MAPDA: variants seen among roughly 807,000 people sequenced by gnomAD.
MAPDA encodes the protein N6,N6-dimethyl-AMP deaminase.
the MAPDA span, among the ~76,000 whole-genome samples, chr15:43,332,958 GAAC>G: frequency 1.3e-5 from 2 of 152,142 alleles, no homozygotes; most frequent in African/African-American, 4.8e-5. Context: ...TTTAGGCAAG[GAAC>G]AACAATTTTT....
chr15:43,337,275 CAAAAAAAAAA>C, the MAPDA span, among the ~76,000 whole-genome samples: 4 of 61,940 alleles, frequency 6.5e-5, no homozygotes, highest in Admixed American at 1.7e-4. Context: ...GACTCCGTCT[CAAAAAAAAAA>C]AAAAAAAAAA....
chr15:43,347,886 C>T, the MAPDA span, among the ~76,000 whole-genome samples: 1 of 152,092 alleles, frequency 6.6e-6, no homozygotes, highest in East Asian at 1.9e-4. Context: ...AATCTAGTGG[C>T]AGGACTTAAA....
At chr15:43,345,861 A>G in the MAPDA span, 1 of 1,614,188 alleles carries the variant, frequency 6.2e-7, no homozygotes, top group Non-Finnish European at 8.5e-7. Flanking sequence ...AAGGTATTTG[A>G]TAGCAGTTGA....
the MAPDA span, chr15:43,352,840 C>T: frequency 1.3e-5 from 2 of 152,158 alleles, no homozygotes; most frequent in African/African-American, 4.8e-5. Flanking sequence ...GTTTTGCCCT[C>T]TTTATGATTG....
At chr15:43,347,948 G>A in the MAPDA span, among the ~76,000 whole-genome samples, 1 of 152,132 alleles carries the variant, frequency 6.6e-6, no homozygotes, top group African/African-American at 2.4e-5. Flanking sequence ...TTCATCCACA[G>A]GACATCCTAT....
At chr15:43,335,950 T>C in the MAPDA span, 15 of 1,200,074 alleles carry the variant, frequency 1.2e-5, no homozygotes, top group Non-Finnish European at 1.6e-5. Flanking sequence ...GTGTGGAGCA[T>C]ATATCTTAAC....
At chr15:43,335,063 A>G in the MAPDA span, 1 of 1,576,792 alleles carries the variant, frequency 6.3e-7, no homozygotes, top group Non-Finnish European at 8.7e-7. Context: ...CATATTGCTC[A>G]TACTAAGAAT....
At chr15:43,346,336 A>G in the MAPDA span, among the ~76,000 whole-genome samples, 1 of 152,214 alleles carries the variant, frequency 6.6e-6, no homozygotes, top group African/African-American at 2.4e-5. Context: ...TGTCTCATAG[A>G]TAGTTGAGAA....
chr15:43,347,513 C>T, the MAPDA span, among the ~76,000 whole-genome samples: 4 of 152,166 alleles, frequency 2.6e-5, no homozygotes, highest in Non-Finnish European at 5.9e-5. Context: ...TTTCAAAGCC[C>T]AGCAAAGAGG....
At chr15:43,340,531 T>G in the MAPDA span, among the ~76,000 whole-genome samples, 1 of 152,234 alleles carries the variant, frequency 6.6e-6, no homozygotes, top group South Asian at 2.1e-4. Context: ...TGATGTTCAT[T>G]TTGTTTGTTT....
chr15:43,352,923 GAA>G, the MAPDA span: 1 of 151,260 alleles, frequency 6.6e-6, no homozygotes, highest in African/African-American at 2.4e-5. Flanking sequence ...TGAGGGGTGA[GAA>G]AGACAGAAAT....
the MAPDA span, chr15:43,351,785 C>G: frequency 1.4e-5 from 21 of 1,551,136 alleles, no homozygotes; most frequent in Non-Finnish European, 1.6e-5. Flanking sequence ...ACACACCTTT[C>G]TCAAGAGTAC....
chr15:43,340,016 G>A, the MAPDA span, among the ~76,000 whole-genome samples: 1 of 152,196 alleles, frequency 6.6e-6, no homozygotes, highest in African/African-American at 2.4e-5. Context: ...AGAAGCAAAG[G>A]GTGTAGCTGA....
chr15:43,338,126 G>C, the MAPDA span, among the ~76,000 whole-genome samples: 92 of 152,304 alleles, frequency 6.0e-4, no homozygotes, highest in South Asian at 8.3e-4. Flanking sequence ...TGGCATGCTT[G>C]TTGCTACATT....
At chr15:43,345,443 C>T in the MAPDA span, among the ~76,000 whole-genome samples, 1 of 150,626 alleles carries the variant, frequency 6.6e-6, no homozygotes, top group African/African-American at 2.4e-5. Flanking sequence ...GTAGGACAAA[C>T]AACTTGGTTT....
At chr15:43,345,981 G>A in the MAPDA span, 46 of 1,613,798 alleles carry the variant, frequency 2.9e-5, no homozygotes, top group Non-Finnish European at 3.5e-5. Context: ...AGACCCTACT[G>A]TAAGTTATTT....
At chr15:43,340,272 A>G in the MAPDA span, 1 of 1,614,064 alleles carries the variant, frequency 6.2e-7, no homozygotes, top group South Asian at 1.1e-5. Flanking sequence ...CAGGTCACAA[A>G]AGATGTCATA....
At chr15:43,341,604 T>A in the MAPDA span, among the ~76,000 whole-genome samples, 1 of 151,732 alleles carries the variant, frequency 6.6e-6, no homozygotes, top group Non-Finnish European at 1.5e-5. Flanking sequence ...TTTGGGAGGC[T>A]GAGGCAGGAG....
At chr15:43,351,260 A>C in the MAPDA span, 1 of 453,652 alleles carries the variant, frequency 2.2e-6, no homozygotes, top group Non-Finnish European at 4.0e-6. Flanking sequence ...CAGGAGGAGG[A>C]GGTTGCAGTG....
Sources: gnomAD v4.1 joint callset for allele counts (sites outside exome capture counted in the v4.1 genomes callset) on GRCh38, gnomAD v4.1.1 for gene constraint, MANE v1.5 for transcripts, NCBI Gene and HGNC (gene_info 2026-07-23, HGNC 2026-07-21) for gene names.